The following MIB1 variants were observed in gnomAD, a reference collection of about 807,000 sequenced individuals.
MIB1 encodes E3 ubiquitin-protein ligase MIB1.
MIB1 carries 278 observed loss-of-function variants against 124.5 expected under a neutral mutation model. That is an observed-to-expected ratio of 2.23 (90% confidence interval 2.02 to 2.47). The LOEUF is 2.47. Ranked by LOEUF, MIB1 falls within the 30% of genes most tolerant of loss-of-function variation. The pLI, the probability that MIB1 is intolerant of heterozygous loss-of-function variation, is 0.00. For synonymous variants in MIB1, 446 were observed against 429.4 expected (o/e 1.04, Z -0.48); for missense variants, 957 against 1,254.4 (o/e 0.76, Z 3.58).
At chr18:21,739,686 G>A (rs920156737), upstream of MIB1, among the ~76,000 whole-genome samples, 1 of 151,876 alleles carries the variant, frequency 6.6e-6, no homozygotes, top group African/African-American at 2.4e-5. Context: ...AGACCAGTCC[G>A]GCCAGGGAAA....
chr18:21,706,823 C>T (rs867763309), intron 1 of MIB1, among the ~76,000 whole-genome samples: 7 of 152,320 alleles, frequency 4.6e-5, no homozygotes, highest in South Asian at 2.1e-4. Flanking sequence ...TGGGCTCCTG[C>T]GGGGCAAGCC....
intron 20 of MIB1, among the ~76,000 whole-genome samples, chr18:21,863,493 G>A (rs532480457): frequency 2.6e-5 from 4 of 152,260 alleles, no homozygotes; most frequent in Admixed American, 2.0e-4. Flanking sequence ...GGGGTGGGAC[G>A]GGTAGGTAAT....
intron 1 of MIB1, among the ~76,000 whole-genome samples, chr18:21,745,501 G>C (rs891011725): frequency 2.6e-5 from 4 of 152,144 alleles, no homozygotes; most frequent in African/African-American, 9.7e-5. Context: ...ATATGTACAT[G>C]CGTGGTAAAA....
rs554240520 is a variant in MIB1 at position 21,849,987 on chromosome 18, T to C, written c.2586+599T>C. Among the ~76,000 whole-genome samples the C allele has an allele frequency of 7.2e-5, 11 of 152,258 alleles. No individual in the cohort carries two copies. The East Asian group carries it at 2.1e-3, about 29-fold the overall frequency. The stretch of plus-strand genomic sequence containing the variant: ...AGCTTAACATTTTTGGCAAGAAAGC[T>C]TCACAGTTGGTGCCACACACTTTAC... On this transcript the variant is annotated intron_variant, in intron 17 of 20. Coordinates refer to ENST00000261537, the MANE Select transcript of MIB1 (RefSeq NM_020774.4).
At chr18:21,862,186 C>T (rs569670626) in intron 20 of MIB1, among the ~76,000 whole-genome samples, 13 of 109,816 alleles carry the variant, frequency 1.2e-4, no homozygotes, top group East Asian at 1.1e-3. Flanking sequence ...CGTGAGCTAC[C>T]GCGCCTGGCC....
At chr18:21,864,457 A>G in intron 20 of MIB1, 69 bp from the exon 21 acceptor site, 2 of 1,228,140 alleles carry the variant, frequency 1.6e-6, no homozygotes, top group Non-Finnish European at 2.3e-6. Context: ...AAAATTAATG[A>G]TATATAACAG....
Position 21,799,889 on chromosome 18 carries a change from GT to G in MIB1, c.1287del (p.Asp430ThrfsTer6). On this transcript the variant is annotated frameshift_variant, in exon 9 of 21. Coordinates refer to ENST00000261537, the MANE Select transcript of MIB1 (RefSeq NM_020774.4). LOFTEE classifies it high-confidence loss of function. ...AAATTATTTGAAACCCAAGAATCTG[GT>G]GACCTCAATGAAGAATTAGTTAAGG... The part of the protein sequence containing the change: ...LKKLFETQES[G>X]DLNEELVKAA... 6.2e-7 allele frequency: 1 copy of G among 1,612,302 alleles called. No homozygotes were observed. The highest frequency in any genetic ancestry group is 1.1e-5 in the South Asian group (1 of 90,942).
chr18:21,741,554 G>T lies in MIB1; in HGVS notation c.-30G>T. On this transcript the variant is annotated 5_prime_UTR_variant, in exon 1 of 21. Transcript: ENST00000261537. The surrounding 1 kb of genome is among the most constrained non-coding windows in gnomAD (Gnocchi z 5.4). ...GGCGGCAGCGGCGGCGGCGGCGGCG[G>T]CAGCGGCGGAGCCCACCGCCCGGGC... is the stretch of plus-strand genomic sequence containing the variant. 4 of 1,322,168 alleles carry T rather than the reference G, an allele frequency of 3.0e-6. No homozygotes were observed. Among genetic ancestry groups the T allele is most frequent in the Non-Finnish European group, 3.9e-6 (4 of 1,035,714 alleles). 81.9% of individuals were successfully genotyped at this position (1,322,168 alleles called of 1,614,324 possible).
At chr18:21,752,521 A>G (rs2040985783) in intron 1 of MIB1, among the ~76,000 whole-genome samples, 1 of 152,234 alleles carries the variant, frequency 6.6e-6, no homozygotes, top group African/African-American at 2.4e-5. Context: ...AAAAGCTAAT[A>G]ACTAAAGCTA....
At chr18:21,856,425 A>G (rs2042229271) in intron 18 of MIB1, among the ~76,000 whole-genome samples, 3 of 152,340 alleles carry the variant, frequency 2.0e-5, no homozygotes, top group South Asian at 2.1e-4. Flanking sequence ...CTGAACTGCT[A>G]TATTAAAAAA....
rs1017215575 is a variant in MIB1, at chr18:21,866,281, T to C, written c.*1615T>C. ...GGAGCTTTGCTGGCTGGTTTTGTAG[T>C]CTCAACAATTCCATGTCTGTGTTTA... On this transcript the variant is annotated 3_prime_UTR_variant, in exon 21 of 21. Transcript: ENST00000261537. 2.6e-5 allele frequency: 4 copies of C among 152,232 alleles called. No individual in the cohort carries two copies. The highest frequency in any genetic ancestry group is 9.6e-5 in the African/African-American group (4 of 41,456). 9.4% of individuals were successfully genotyped at this position (152,232 alleles called of 1,614,324 possible). A position where few individuals can be genotyped will look rare whatever the true frequency, so the allele number is the denominator to read the frequency against.
chr18:21,851,227 C>G (rs577664491), intron 17 of MIB1, among the ~76,000 whole-genome samples: 5 of 152,108 alleles, frequency 3.3e-5, no homozygotes, highest in Non-Finnish European at 5.9e-5. Flanking sequence ...AGCCCCTGTT[C>G]TTTTCACTGT....
At chr18:21,811,369 A>G (rs1486660416) in intron 10 of MIB1, among the ~76,000 whole-genome samples, 6 of 152,208 alleles carry the variant, frequency 3.9e-5, no homozygotes, top group Admixed American at 3.3e-4. Flanking sequence ...GCTTTTGAAT[A>G]TATATCCCAA....
intron 10 of MIB1, among the ~76,000 whole-genome samples, chr18:21,810,224 A>G (rs905196617): frequency 6.6e-6 from 1 of 152,098 alleles, no homozygotes; most frequent in Non-Finnish European, 1.5e-5. Flanking sequence ...ACTACAAAAT[A>G]TTGCTGAAAG....
intron 12 of MIB1, among the ~76,000 whole-genome samples, chr18:21,824,052 TC>T (rs2041903432): frequency 6.6e-6 from 1 of 152,198 alleles, no homozygotes; most frequent in East Asian, 1.9e-4. Context: ...TCAGCAGTAT[TC>T]TCTGCAGAGC....
chr18:21,864,616 G>T lies in MIB1; in HGVS notation c.2971G>T (p.Glu991Ter), dbSNP rs751523249. The T allele has an allele frequency of 6.2e-7, 1 of 1,613,800 alleles. No homozygotes were observed. Among genetic ancestry groups the T allele is most frequent in the Non-Finnish European group, 8.5e-7 (1 of 1,179,722 alleles). The change falls in exon 21 of 21, where the codon GAA becomes TAA. Residue 991 changes from glutamate to a stop codon, truncating the protein, a stop_gained. Transcript: ENST00000261537. LOFTEE classifies it high-confidence loss of function. ...TCQLCGDRMS[E>*]CPICRKAIER... is the part of the protein sequence containing the mutation. ...TCAACTCTGTGGAGACCGCATGAGTGAATGTCCTATCTGTCGCAAGGCTAT... is the reference window on the plus strand; with the variant it reads ...TCAACTCTGTGGAGACCGCATGAGTTAATGTCCTATCTGTCGCAAGGCTAT...
upstream of MIB1, among the ~76,000 whole-genome samples, chr18:21,739,938 C>A (rs373898805): frequency 0.017 from 2,401 of 143,294 alleles, 54 homozygotes; most frequent in African/African-American, 0.057. Context: ...AAAAAAACAA[C>A]AACAAAAAAA....
chr18:21,739,824 C>T (rs1365313751), upstream of MIB1, among the ~76,000 whole-genome samples: 2 of 151,698 alleles, frequency 1.3e-5, no homozygotes, highest in African/African-American at 4.8e-5. Context: ...CTGAGGTGGG[C>T]GGACCCCTTG....
In MIB1 at chr18:21,741,532, G is replaced by GGCA. The variant is rs971880812; in HGVS notation, c.-49_-47dup. ...CCAACTCCCTCACGGGCCCCCCGGCGGCAGCGGCGGCGGCGGCGGCGGCAG... is the reference window on the plus strand; with the variant it reads ...CCAACTCCCTCACGGGCCCCCCGGCGGCAGCAGCGGCGGCGGCGGCGGCGGCAG... On this transcript the variant is annotated 5_prime_UTR_variant, in exon 1 of 21. Transcript: ENST00000261537. The surrounding 1 kb of genome is among the most constrained non-coding windows in gnomAD (Gnocchi z 5.4). The GGCA allele has an allele frequency of 1.5e-5, 19 of 1,270,904 alleles. No homozygotes were observed. The highest frequency in any genetic ancestry group is 1.9e-5 in the Non-Finnish European group (19 of 1,000,474). The allele number at this position is 1,270,904 out of a possible 1,614,324, so 78.7% of individuals were successfully genotyped here.
Sources: allele counts gnomAD v4.1 joint callset (sites outside exome capture counted in the v4.1 genomes callset), GRCh38; gene constraint gnomAD v4.1.1; non-coding constraint Gnocchi (gnomAD v3.1); transcripts MANE v1.5; gene names NCBI Gene and HGNC (gene_info 2026-07-23, HGNC 2026-07-21).